Variants in CLCN3 observed in about 807,000 individuals in gnomAD.
CLCN3 encodes H(+)/Cl(-) exchange transporter 3.
Under a neutral mutation model 83.4 loss-of-function variants are expected in CLCN3, and 16 were observed. The observed-to-expected ratio is 0.19, with a 90% CI of 0.13 to 0.29. The LOEUF is 0.29. Ranked by LOEUF, CLCN3 falls within the 10% of genes least tolerant of loss-of-function variation. The pLI, the probability that CLCN3 is intolerant of heterozygous loss-of-function variation, is 1.00. For missense variants in CLCN3, 544 were observed against 1,006.0 expected (o/e 0.54, Z 6.21); for synonymous variants, 322 against 346.2 (o/e 0.93, Z 0.78).
At chr4:169,693,926 A>C (rs1455798307) in intron 7 of CLCN3, among the ~76,000 whole-genome samples, 1 of 152,230 alleles carries the variant, frequency 6.6e-6, no homozygotes, top group Non-Finnish European at 1.5e-5. Context: ...AAGGTCCCAT[A>C]GTTTTGTGTA....
intron 2 of CLCN3, among the ~76,000 whole-genome samples, chr4:169,676,650 ATTTTTTTTT>A (rs557077180): frequency 1.6e-5 from 2 of 128,252 alleles, no homozygotes; most frequent in Non-Finnish European, 3.3e-5. Flanking sequence ...CATGCCCAGC[ATTTTTTTTT>A]TTTTTTTTTT....
chr4:169,638,928 T>A (rs1730321588), intron 2 of CLCN3, among the ~76,000 whole-genome samples: 1 of 152,242 alleles, frequency 6.6e-6, no homozygotes, highest in Admixed American at 6.5e-5. Flanking sequence ...AGGACAATTA[T>A]GATTCCTTCT....
intron 12 of CLCN3, among the ~76,000 whole-genome samples, chr4:169,715,070 C>A (rs559908548): frequency 6.6e-6 from 1 of 152,096 alleles, no homozygotes; most frequent in African/African-American, 2.4e-5. Context: ...GTTTTCTGTT[C>A]CTGGCATGGC....
intron 2 of CLCN3, chr4:169,660,152 T>C (rs1051909002): frequency 1.8e-6 from 2 of 1,123,050 alleles, no homozygotes; most frequent in African/African-American, 1.6e-5. Context: ...CTTGCTAGAT[T>C]GTAGCCACTA....
rs1236017562 is a variant in CLCN3, at chr4:169,620,617, A to T, written c.-463A>T. On this transcript the variant is annotated 5_prime_UTR_variant, in exon 1 of 13. Transcript: ENST00000513761. ...TGGGTCAGGGCCGGTCCGGTCCGGA[A>T]CCTGCAGCCCCTTTCCCAGTGTTCT... 5.0e-6 allele frequency: 2 copies of T among 397,214 alleles called. No homozygotes were observed. The highest frequency in any genetic ancestry group is 8.8e-5 in the Admixed American group (2 of 22,726). The allele number at this position is 397,214 out of a possible 1,614,324, so 24.6% of individuals were successfully genotyped here.
chr4:169,690,572 T>C lies in CLCN3; in HGVS notation c.649T>C (p.Trp217Arg), dbSNP rs1226592441. 6.2e-7 allele frequency: 1 copy of C among 1,613,792 alleles called. No homozygotes were observed. Among genetic ancestry groups the C allele is most frequent in the Non-Finnish European group, 8.5e-7 (1 of 1,179,752 alleles). ...CATGAACTACATAATGTACATCTTC[T>C]GGGCCTTGAGTTTTGCCTTTCTTGC... ...YIMNYIMYIF[W>R]ALSFAFLAVS... Residue 217 changes from tryptophan (W) to arginine (R), a missense_variant, in exon 6 of 13, where the codon TGG (tryptophan) becomes CGG (arginine). Trp to Arg is a moderately radical substitution (Grantham distance 101). Coordinates refer to ENST00000513761, the MANE Select transcript of CLCN3 (RefSeq NM_001829.4).
chr4:169,722,369 A>G lies in CLCN3; in HGVS notation c.*2372A>G, dbSNP rs1378682564. ...TACTTCTCTCCTTTGACAGACTTCA[A>G]GTTTTCTTCATAGCCCTTTCAAAGT... On this transcript the variant is annotated 3_prime_UTR_variant, in exon 13 of 13. Transcript: ENST00000513761. 6.6e-6 allele frequency: 1 copy of G among 152,216 alleles called. No individual in the cohort carries two copies. Among genetic ancestry groups the G allele is most frequent in the Non-Finnish European group, 1.5e-5 (1 of 68,044 alleles). The allele number at this position is 152,216 out of a possible 1,614,324, so 9.4% of individuals were successfully genotyped here. A position where few individuals can be genotyped will look rare whatever the true frequency, so the allele number is the denominator to read the frequency against.
At chr4:169,685,864 TAA>T (rs1732132948) in intron 3 of CLCN3, among the ~76,000 whole-genome samples, 1 of 152,358 alleles carries the variant, frequency 6.6e-6, no homozygotes, top group Non-Finnish European at 1.5e-5. Flanking sequence ...AACCTATTTC[TAA>T]TTCTAAAGAA....
At chr4:169,679,961 T>G in intron 2 of CLCN3, 89 bp from the exon 3 acceptor site, 4 of 1,023,058 alleles carry the variant, frequency 3.9e-6, no homozygotes, top group Non-Finnish European at 6.2e-6. Flanking sequence ...ATTATTTCTG[T>G]ATGACTTAAT....
intron 2 of CLCN3, among the ~76,000 whole-genome samples, chr4:169,652,339 A>G (rs1313784559): frequency 6.6e-6 from 1 of 152,198 alleles, no homozygotes; most frequent in Non-Finnish European, 1.5e-5. Context: ...AAAAAGAAGT[A>G]TATAATTTAG....
intron 2 of CLCN3, among the ~76,000 whole-genome samples, chr4:169,651,676 TGTTCA>T (rs1322583732): frequency 6.6e-6 from 1 of 152,204 alleles, no homozygotes; most frequent in Non-Finnish European, 1.5e-5. Flanking sequence ...AGCCTGTTCA[TGTTCA>T]GTACAGAACA....
At chr4:169,675,181 C>T (rs1412718836) in intron 2 of CLCN3, among the ~76,000 whole-genome samples, 2 of 152,152 alleles carry the variant, frequency 1.3e-5, no homozygotes, top group African/African-American at 2.4e-5. Context: ...CCAGAATTAT[C>T]AAAAAACCTA....
chr4:169,664,255 T>C (rs1401519411), intron 2 of CLCN3, among the ~76,000 whole-genome samples: 1 of 152,066 alleles, frequency 6.6e-6, no homozygotes, highest in Non-Finnish European at 1.5e-5. Context: ...GAAATAAAAG[T>C]TTGGGGTCTT....
intron 2 of CLCN3, among the ~76,000 whole-genome samples, chr4:169,645,025 C>G (rs1283933906): frequency 6.6e-6 from 1 of 152,178 alleles, no homozygotes; most frequent in Non-Finnish European, 1.5e-5. Context: ...GACTTCTGGT[C>G]TCCAGAACTA....
intron 2 of CLCN3, among the ~76,000 whole-genome samples, chr4:169,671,966 C>G (rs1203350230): frequency 2.0e-5 from 3 of 152,098 alleles, no homozygotes; most frequent in African/African-American, 7.2e-5. Flanking sequence ...AATCCCGACA[C>G]TTTGGGAGGC....
Position 169,695,758 on chromosome 4 carries a change from T to A in CLCN3, c.1017+66T>A. On this transcript the variant is annotated intron_variant, in intron 8 of 12. Transcript: ENST00000513761. Reference sequence around the variant, plus strand: ...ACCATTACAAATATATTTCACACATTTCAGTTTTGTAGGTGATGTAATAGG... The same window carrying A: ...ACCATTACAAATATATTTCACACATATCAGTTTTGTAGGTGATGTAATAGG... 3 of 1,139,824 alleles carry A rather than the reference T, an allele frequency of 2.6e-6. No homozygotes were observed. In the South Asian group the frequency reaches 4.1e-5, roughly 16 times the overall value. The allele number at this position is 1,139,824 out of a possible 1,614,324, so 70.6% of individuals were successfully genotyped here.
chr4:169,637,334 T>C (rs1730244060), intron 2 of CLCN3, among the ~76,000 whole-genome samples: 1 of 152,114 alleles, frequency 6.6e-6, no homozygotes, highest in African/African-American at 2.4e-5. Flanking sequence ...ATATCATCAA[T>C]TCTAATGAAA....
Position 169,707,219 on chromosome 4 carries a change from A to T in CLCN3, c.2102A>T (p.Gln701Leu). 6.2e-7 allele frequency: 1 copy of T among 1,612,188 alleles called. No homozygotes were observed. Among genetic ancestry groups the T allele is most frequent in the Non-Finnish European group, 8.5e-7 (1 of 1,178,442 alleles). ...GFPVIMSKES[Q>L]RLVGFALRRD... Reference sequence around the variant, plus strand: ...CCTGTCATAATGTCAAAAGAATCTCAGAGATTAGTGGGATTTGCCCTCAGA... The same window carrying T: ...CCTGTCATAATGTCAAAAGAATCTCTGAGATTAGTGGGATTTGCCCTCAGA... The change falls in exon 11 of 13, where the codon CAG becomes CTG. Residue 701 changes from glutamine (Q) to leucine (L), a missense_variant. Gln to Leu is a moderately radical substitution (Grantham distance 113, BLOSUM62 -2). Transcript: ENST00000513761.
chr4:169,680,450 C>A, intron 3 of CLCN3: 14 of 352,720 alleles, frequency 4.0e-5, no homozygotes, highest in South Asian at 2.6e-4. Context: ...AATAAGAAGA[C>A]AAAATAAGAA....
Sources: gnomAD v4.1 joint callset for allele counts (sites outside exome capture counted in the v4.1 genomes callset) on GRCh38, gnomAD v4.1.1 for gene constraint, MANE v1.5 for transcripts, NCBI Gene and HGNC (gene_info 2026-07-23, HGNC 2026-07-21) for gene names.